Variants in NRXN1 observed in about 807,000 individuals in gnomAD.
NRXN1 encodes the protein neurexin-1.
A neutral mutation model predicts 150.9 loss-of-function variants in NRXN1; 39 were observed. The observed-to-expected ratio is 0.26, with a 90% CI of 0.20 to 0.34. NRXN1 has a LOEUF of 0.34. Among genes scored for constraint, NRXN1 ranks in the 10% least tolerant of loss-of-function variants. NRXN1 has a pLI of 1.00. For missense variants in NRXN1, 1,815 were observed against 1,949.9 expected (o/e 0.93, Z 1.30); for synonymous variants, 924 against 757.0 (o/e 1.22, Z -3.62).
chr2:50,012,392 A>G (rs1238239470), intron 21 of NRXN1, among the ~76,000 whole-genome samples: 1 of 152,148 alleles, frequency 6.6e-6, no homozygotes, highest in East Asian at 1.9e-4. Flanking sequence ...CTCTTTGTTT[A>G]AGACAAGTAA....
chr2:50,177,098 A>T (rs2060400722), intron 18 of NRXN1, among the ~76,000 whole-genome samples: 1 of 152,186 alleles, frequency 6.6e-6, no homozygotes, highest in Non-Finnish European at 1.5e-5. Flanking sequence ...ATTTACTTGA[A>T]AGTTAGAGTT....
chr2:50,145,715 T>G (rs1707919654), intron 18 of NRXN1, among the ~76,000 whole-genome samples: 2 of 151,700 alleles, frequency 1.3e-5, no homozygotes, highest in African/African-American at 2.4e-5. Flanking sequence ...TTTCCTTTAA[T>G]ACATCTTGGA....
chr2:50,028,184 G>A (rs937436543), intron 21 of NRXN1, among the ~76,000 whole-genome samples: 15 of 152,120 alleles, frequency 9.9e-5, no homozygotes, highest in Non-Finnish European at 2.1e-4. Flanking sequence ...TCAAAGATAG[G>A]TTGTTCAAAG....
chr2:50,219,963 T>C (rs1283302359), intron 18 of NRXN1, among the ~76,000 whole-genome samples: 1 of 60,700 alleles, frequency 1.6e-5, no homozygotes, highest in Admixed American at 1.8e-4. Context: ...AATATATATA[T>C]TATATATATA....
intron 18 of NRXN1, among the ~76,000 whole-genome samples, chr2:50,145,307 C>T (rs1574152729): frequency 1.3e-5 from 2 of 151,858 alleles, no homozygotes; most frequent in Admixed American, 1.3e-4. Context: ...AATACACACA[C>T]ACACACAGAA....
Position 50,281,948 on chromosome 2 carries a change from A to C in NRXN1, c.3365-44978T>G, listed in dbSNP as rs2678215. ...ACTCTATATATTTGGTCTTGAGAAA[A>C]AATTTTATTAATATTGAGAAATTAA... On this transcript the variant is annotated intron_variant, in intron 17 of 22. Coordinates refer to ENST00000401669, the MANE Select transcript of NRXN1 (RefSeq NM_001330078.2). Among the ~76,000 whole-genome samples, 9 of 151,924 alleles carry C rather than the reference A, an allele frequency of 5.9e-5. No individual in the cohort carries two copies. The East Asian group carries it at 1.7e-3, about 29-fold the overall frequency.
chr2:50,528,931 G>C (rs1027053798), intron 11 of NRXN1: 1 of 336,586 alleles, frequency 3.0e-6, no homozygotes, highest in Non-Finnish European at 5.4e-6. Flanking sequence ...AAAGATGTTT[G>C]GCTTAGACTG....
intron 2 of NRXN1, among the ~76,000 whole-genome samples, chr2:50,995,461 C>T (rs887715350): frequency 1.8e-4 from 28 of 151,936 alleles, no homozygotes; most frequent in Non-Finnish European, 2.5e-4. Context: ...AAAAATTATC[C>T]TGGTGTGGCA....
rs2065492720 is a variant in NRXN1, at chr2:50,236,922, T to A, written c.3413A>T (p.Lys1138Met). 2 of 1,613,246 alleles carry A rather than the reference T, an allele frequency of 1.2e-6. No homozygotes were observed. Among genetic ancestry groups the A allele is most frequent in the African/African-American group, 2.7e-5 (2 of 74,856 alleles). The change falls in exon 18 of 23, where the codon AAG becomes ATG. Residue 1138 changes from lysine (K) to methionine (M), a missense_variant. Physicochemically the swap from Lys to Met is moderately conservative, Grantham distance 95. Coordinates refer to ENST00000401669, the MANE Select transcript of NRXN1 (RefSeq NM_001330078.2). ...FSKGGGQITY[K>M]WPPNDRPSTR... ...ACTGGGTCGGTCATTAGGAGGCCACTTATACGTGATTTGTCCACCACCTTT... is the reference window on the plus strand; with the variant it reads ...ACTGGGTCGGTCATTAGGAGGCCACATATACGTGATTTGTCCACCACCTTT...
At chr2:50,294,951 T>G (rs980246275) in intron 17 of NRXN1, among the ~76,000 whole-genome samples, 1 of 152,208 alleles carries the variant, frequency 6.6e-6, no homozygotes, top group Non-Finnish European at 1.5e-5. Context: ...GAGGAATGGT[T>G]TCTTAGGAAT....
chr2:50,984,311 T>C (rs1697336989), intron 2 of NRXN1, among the ~76,000 whole-genome samples: 1 of 151,732 alleles, frequency 6.6e-6, no homozygotes, highest in South Asian at 2.1e-4. Flanking sequence ...AGTCCTGTTT[T>C]TGTATGACTC....
intron 5 of NRXN1, among the ~76,000 whole-genome samples, chr2:50,770,019 C>T (rs1382384875): frequency 6.6e-6 from 1 of 152,108 alleles, no homozygotes; most frequent in Non-Finnish European, 1.5e-5. Context: ...TAGAACTTCA[C>T]TTGTGCTTCC....
At chr2:50,208,539 C>A (rs937138163) in intron 18 of NRXN1, among the ~76,000 whole-genome samples, 1 of 152,000 alleles carries the variant, frequency 6.6e-6, no homozygotes, top group Non-Finnish European at 1.5e-5. Flanking sequence ...CACTAAAATG[C>A]TATTTGCTCC....
chr2:50,087,741 T>C (rs1698992966), intron 19 of NRXN1, among the ~76,000 whole-genome samples: 1 of 152,140 alleles, frequency 6.6e-6, no homozygotes, highest in South Asian at 2.1e-4. Flanking sequence ...AACTGTTGAG[T>C]TACAGGAAGA....
intron 17 of NRXN1, among the ~76,000 whole-genome samples, chr2:50,297,068 T>G (rs889099685): frequency 6.3e-5 from 3 of 47,940 alleles, no homozygotes; most frequent in African/African-American, 4.7e-4. Flanking sequence ...TATTTTTATT[T>G]TTTAGTAGAG....
intron 12 of NRXN1, among the ~76,000 whole-genome samples, chr2:50,522,719 CATTTTTTTTTTTT>C (rs1160185927): frequency 2.3e-5 from 2 of 86,596 alleles, no homozygotes; most frequent in East Asian, 4.2e-4. Context: ...TATTTTTATT[CATTTTTTTTTTTT>C]TTTTTTTTTT....
chr2:50,850,696 T>C (rs1674391962), intron 5 of NRXN1, among the ~76,000 whole-genome samples: 1 of 152,178 alleles, frequency 6.6e-6, no homozygotes, highest in African/African-American at 2.4e-5. Context: ...GTAAGTAAAC[T>C]AGTTCACATT....
At chr2:50,792,507 C>T (rs1312202565) in intron 5 of NRXN1, among the ~76,000 whole-genome samples, 2 of 151,748 alleles carry the variant, frequency 1.3e-5, no homozygotes, top group East Asian at 3.9e-4. Flanking sequence ...CAGTTATTTG[C>T]TAATATAATA....
chr2:49,935,432 C>T (rs114078168), intron 22 of NRXN1, among the ~76,000 whole-genome samples: 77 of 152,082 alleles, frequency 5.1e-4, no homozygotes, highest in African/African-American at 8.0e-4. Context: ...ATCTTTAATA[C>T]ACCATTTTTA....
Sources: allele counts gnomAD v4.1 joint callset (sites outside exome capture counted in the v4.1 genomes callset), GRCh38; gene constraint gnomAD v4.1.1; transcripts MANE v1.5; gene names NCBI Gene and HGNC (gene_info 2026-07-23, HGNC 2026-07-21).